Variants in CNTN5 observed in about 807,000 individuals in gnomAD.
CNTN5 encodes the protein contactin-5.
Under a neutral mutation model 129.1 loss-of-function variants are expected in CNTN5, and 77 were observed. The observed-to-expected ratio is 0.60, with a 90% CI of 0.50 to 0.72. The LOEUF (loss-of-function observed/expected upper bound fraction) is 0.72. CNTN5 is among the 30% of genes least tolerant of loss of function. The pLI, the probability that CNTN5 is intolerant of heterozygous loss-of-function variation, is 0.00. For missense variants in CNTN5, 1,478 were observed against 1,328.8 expected, an observed-to-expected ratio of 1.11 and a Z score of -1.75; for synonymous variants, 509 against 465.6, an observed-to-expected ratio of 1.09 and a Z score of -1.20.
intron 3 of CNTN5, among the ~76,000 whole-genome samples, chr11:99,617,205 C>A (rs376026980): frequency 6.6e-6 from 1 of 152,154 alleles, no homozygotes; most frequent in Non-Finnish European, 1.5e-5. Flanking sequence ...TTAAGATATG[C>A]TAACTAGTCT....
intron 21 of CNTN5, among the ~76,000 whole-genome samples, chr11:100,332,775 T>C (rs570478838): frequency 6.6e-6 from 1 of 152,248 alleles, no homozygotes; most frequent in Admixed American, 6.5e-5. Flanking sequence ...CTCAACAAAA[T>C]TGGCATACAA....
At chr11:100,060,852 G>A in intron 9 of CNTN5, among the ~76,000 whole-genome samples, 1 of 151,914 alleles carries the variant, frequency 6.6e-6, no homozygotes. Flanking sequence ...TGTTGCCCAG[G>A]CTGGTCTCGA....
At chr11:99,915,910 T>C (rs1949776747) in intron 6 of CNTN5, 144 bp from the exon 7 acceptor site, 1 of 615,836 alleles carries the variant, frequency 1.6e-6, no homozygotes, top group South Asian at 2.0e-5. Context: ...ATGATGTAGA[T>C]ATATGTTAAA....
intron 1 of CNTN5, among the ~76,000 whole-genome samples, chr11:99,242,820 CT>C (rs1441288547): frequency 6.6e-6 from 1 of 152,046 alleles, no homozygotes; most frequent in Non-Finnish European, 1.5e-5. Flanking sequence ...TGATCTTGTT[CT>C]TTTTCATGGC....
chr11:99,176,285 G>T (rs10892846), intron 1 of CNTN5, among the ~76,000 whole-genome samples: 19 of 151,534 alleles, frequency 1.3e-4, no homozygotes, highest in Non-Finnish European at 2.7e-4. Context: ...GACTTTCAGT[G>T]CTTAGTCATT....
At chr11:99,510,480 G>T (rs1256311660) in intron 2 of CNTN5, among the ~76,000 whole-genome samples, 1 of 152,102 alleles carries the variant, frequency 6.6e-6, no homozygotes, top group Non-Finnish European at 1.5e-5. Context: ...GAAAACTAAT[G>T]GATGCAACAT....
chr11:99,567,367 T>A (rs1039665757), intron 3 of CNTN5, among the ~76,000 whole-genome samples: 1 of 70,844 alleles, frequency 1.4e-5, no homozygotes. Context: ...ACAAAAGGCA[T>A]TTTTTTTTTC....
chr11:99,560,543 G>A (rs924092470), intron 3 of CNTN5, among the ~76,000 whole-genome samples: 4 of 151,888 alleles, frequency 2.6e-5, no homozygotes, highest in Non-Finnish European at 5.9e-5. Context: ...CGCCTGCCTC[G>A]GCCTCCCAAA....
Position 99,880,577 on chromosome 11 carries a change from T to A in CNTN5, c.577+35315T>A, listed in dbSNP as rs146995519. On this transcript the variant is annotated intron_variant, in intron 6 of 24. Transcript: ENST00000524871. ...CCACAAGCAGCTCCCAAGAGACTAA[T>A]GTTTGATGTGCTTGCTCAATTTTAC... is the stretch of plus-strand genomic sequence containing the variant. 4.2e-3 allele frequency among the ~76,000 whole-genome samples: 642 copies of A among 152,286 alleles called. 3 individuals are homozygous for A. The highest frequency in any genetic ancestry group is 0.013 in the African/African-American group (539 of 41,570).
At chr11:99,780,312 G>A (rs531290190) in intron 3 of CNTN5, among the ~76,000 whole-genome samples, 6 of 151,990 alleles carry the variant, frequency 3.9e-5, no homozygotes, top group South Asian at 2.1e-4. Flanking sequence ...AGAAGATCAG[G>A]GTAAGAGGAG....
intron 2 of CNTN5, among the ~76,000 whole-genome samples, chr11:99,507,581 T>C (rs935780547): frequency 1.1e-4 from 17 of 152,122 alleles, no homozygotes; most frequent in South Asian, 2.1e-4. Flanking sequence ...ATAAACGATG[T>C]ACTTTGAAAA....
intron 1 of CNTN5, among the ~76,000 whole-genome samples, chr11:99,109,893 G>T (rs1857707832): frequency 6.6e-6 from 1 of 151,984 alleles, no homozygotes; most frequent in Admixed American, 6.6e-5. Context: ...ATTTCATTCT[G>T]TTTTTCCTAG....
intron 1 of CNTN5, among the ~76,000 whole-genome samples, chr11:99,077,136 C>T (rs538978324): frequency 6.9e-6 from 1 of 145,328 alleles, no homozygotes; most frequent in South Asian, 2.1e-4. Flanking sequence ...GTGGCACACA[C>T]ATAGGCTTCA....
At chr11:99,681,530 A>C (rs913934678) in intron 3 of CNTN5, among the ~76,000 whole-genome samples, 11 of 152,074 alleles carry the variant, frequency 7.2e-5, no homozygotes, top group Non-Finnish European at 1.3e-4. Flanking sequence ...ATTTTTTAAC[A>C]ATGAAGTATT....
intron 21 of CNTN5, among the ~76,000 whole-genome samples, chr11:100,328,768 G>GA (rs957853517): frequency 4.0e-5 from 6 of 151,554 alleles, no homozygotes; most frequent in African/African-American, 9.7e-5. Flanking sequence ...TTGCAAAAAA[G>GA]AAAAAAAAGA....
At chr11:100,122,983 G>T (rs1946076657) in intron 13 of CNTN5, among the ~76,000 whole-genome samples, 1 of 151,994 alleles carries the variant, frequency 6.6e-6, no homozygotes, top group Admixed American at 6.6e-5. Context: ...TGACTGATTT[G>T]CTGTGTGTGT....
intron 6 of CNTN5, among the ~76,000 whole-genome samples, chr11:99,883,597 TAAAC>T (rs1228856475): frequency 1.3e-5 from 2 of 152,122 alleles, no homozygotes; most frequent in African/African-American, 4.8e-5. Context: ...GAGTCCCTAT[TAAAC>T]AAAACAAAAC....
chr11:99,188,011 T>C (rs1299596804), intron 1 of CNTN5, among the ~76,000 whole-genome samples: 1 of 151,858 alleles, frequency 6.6e-6, no homozygotes, highest in Non-Finnish European at 1.5e-5. Context: ...TCATATTTTC[T>C]TCTCTTGTAC....
chr11:100,006,010 A>G (rs1480175346), intron 9 of CNTN5, among the ~76,000 whole-genome samples: 1 of 152,146 alleles, frequency 6.6e-6, no homozygotes, highest in Non-Finnish European at 1.5e-5. Context: ...AGATGCCACA[A>G]TAAAGCAAAT....
Sources: allele counts gnomAD v4.1 joint callset (sites outside exome capture counted in the v4.1 genomes callset), GRCh38; gene constraint gnomAD v4.1.1; transcripts MANE v1.5; gene names NCBI Gene and HGNC (gene_info 2026-07-23, HGNC 2026-07-21).